Variants in KIF13A observed in about 807,000 individuals in gnomAD.
KIF13A encodes kinesin family member 13A.
Under a neutral mutation model 212.2 loss-of-function variants are expected in KIF13A, and 79 were observed. The ratio of observed to expected loss-of-function variants is 0.37; its 90% CI spans 0.31 to 0.45. The LOEUF is 0.45. KIF13A is among the 20% of genes least tolerant of loss of function. The pLI is 1.00. For synonymous variants in KIF13A, 789 were observed against 808.6 expected (o/e 0.98, Z 0.41); for missense variants, 1,901 against 2,209.0 (o/e 0.86, Z 2.79).
intron 4 of KIF13A, among the ~76,000 whole-genome samples, chr6:17,866,530 C>A (rs747197048): frequency 6.6e-6 from 1 of 152,186 alleles, no homozygotes; most frequent in African/African-American, 2.4e-5. Flanking sequence ...CTTCGCTAAA[C>A]CTCAGTTTTC....
intron 9 of KIF13A, among the ~76,000 whole-genome samples, chr6:17,844,056 A>AAAAG (rs1254290003): frequency 3.2e-4 from 48 of 151,596 alleles, no homozygotes; most frequent in Non-Finnish European, 4.7e-4. Context: ...AAAAAAAAAA[A>AAAAG]AAAGAAAGAA....
At chr6:17,917,645 A>C (rs1432123560) in intron 2 of KIF13A, among the ~76,000 whole-genome samples, 1 of 152,176 alleles carries the variant, frequency 6.6e-6, no homozygotes, top group African/African-American at 2.4e-5. Context: ...CACAAGACTA[A>C]GTAAAAGGCA....
At chr6:17,877,255 T>G (rs1288715428) in intron 3 of KIF13A, among the ~76,000 whole-genome samples, 3 of 152,112 alleles carry the variant, frequency 2.0e-5, no homozygotes, top group Non-Finnish European at 4.4e-5. Context: ...GTACTCAACT[T>G]ACATCATCAA....
intron 2 of KIF13A, among the ~76,000 whole-genome samples, chr6:17,946,662 T>C (rs1777427047): frequency 6.6e-6 from 1 of 152,232 alleles, no homozygotes; most frequent in Non-Finnish European, 1.5e-5. Context: ...CTTATACTAC[T>C]AGTGATATTA....
In KIF13A at chr6:17,825,391, T is replaced by A. The variant is rs1233038747; in HGVS notation, c.1786+377A>T. ...TCTTTCCATAGATTATATTTGAAAT[T>A]CCTGAATTTATATTCTGTTGGGGAT... is the stretch of plus-strand genomic sequence containing the variant. On this transcript the variant is annotated intron_variant, in intron 16 of 38. Coordinates refer to ENST00000259711, the MANE Select transcript of KIF13A (RefSeq NM_022113.6). The surrounding 1 kb of genome is among the most constrained non-coding windows in gnomAD (Gnocchi z 4.5). Among the ~76,000 whole-genome samples, 1 of 152,240 alleles carries A rather than the reference T, an allele frequency of 6.6e-6. No homozygotes were observed. Among genetic ancestry groups the A allele is most frequent in the Non-Finnish European group, 1.5e-5 (1 of 68,044 alleles).
intron 3 of KIF13A, among the ~76,000 whole-genome samples, chr6:17,889,020 C>T (rs1771798282): frequency 6.6e-6 from 1 of 152,106 alleles, no homozygotes; most frequent in African/African-American, 2.4e-5. Flanking sequence ...GGCTAAATGG[C>T]TACTGTACTG....
rs533373378 is a variant in KIF13A at position 17,777,751 on chromosome 6, C to T, written c.4093-397G>A. On this transcript the variant is annotated intron_variant, in intron 33 of 38. Coordinates refer to ENST00000259711, the MANE Select transcript of KIF13A (RefSeq NM_022113.6). The surrounding 1 kb of genome is among the most constrained non-coding windows in gnomAD (Gnocchi z 4.4). ...TATTTATAGATTTAAATATAGACTG[C>T]ATCAGTTCTACATACATACACATTT... 1.3e-5 allele frequency among the ~76,000 whole-genome samples: 2 copies of T among 152,280 alleles called. No homozygotes were observed. The highest frequency in any genetic ancestry group is 4.1e-4 in the South Asian group (2 of 4,820).
In KIF13A at chr6:17,987,015, G is replaced by C. The variant is rs769057956; in HGVS notation, c.146+39C>G. ...GCTCAAACTTGCGGGACCCCGCGAGGCTGGATCCTCCCAGCCGCCCTCTCG... is the reference window on the plus strand; with the variant it reads ...GCTCAAACTTGCGGGACCCCGCGAGCCTGGATCCTCCCAGCCGCCCTCTCG... On this transcript the variant is annotated intron_variant, in intron 2 of 38. Coordinates refer to ENST00000259711, the MANE Select transcript of KIF13A (RefSeq NM_022113.6). The surrounding 1 kb of genome is among the most constrained non-coding windows in gnomAD (Gnocchi z 7.7). 2 of 1,503,310 alleles carry C rather than the reference G, an allele frequency of 1.3e-6. No homozygotes were observed. Among genetic ancestry groups the C allele is most frequent in the African/African-American group, 1.4e-5 (1 of 72,544 alleles). The allele number at this position is 1,503,310 out of a possible 1,614,324, so 93.1% of individuals were successfully genotyped here.
chr6:17,857,750 A>T (rs1268842935), intron 4 of KIF13A, among the ~76,000 whole-genome samples: 1 of 152,192 alleles, frequency 6.6e-6, no homozygotes, highest in Non-Finnish European at 1.5e-5. Context: ...ACTTGACAGC[A>T]TCTATAAAAG....
intron 19 of KIF13A, 145 bp from the exon 20 acceptor site, chr6:17,804,655 A>G (rs1762774548): frequency 1.1e-6 from 1 of 916,684 alleles, no homozygotes; most frequent in Admixed American, 3.2e-5. Flanking sequence ...CACATAAATA[A>G]AAACTAAATT....
rs1479290146 is a variant in KIF13A at position 17,773,647 on chromosome 6, G to A, written c.4219-64C>T. The A allele has an allele frequency of 5.6e-6, 5 of 898,508 alleles. No homozygotes were observed. The highest frequency in any genetic ancestry group is 1.8e-5 in the South Asian group (1 of 54,976). The allele number at this position is 898,508 out of a possible 1,614,324, so 55.7% of individuals were successfully genotyped here. On this transcript the variant is annotated intron_variant, in intron 35 of 38. Coordinates refer to ENST00000259711, the MANE Select transcript of KIF13A (RefSeq NM_022113.6). This position sits in a 1 kb window ranked among gnomAD's most constrained non-coding sequence, Gnocchi z 4.2. The stretch of plus-strand genomic sequence containing the variant: ...CTCCAAAATAAGAAATAAAGCCCAG[G>A]TTGGAGTTTCTTCTGTTTTTTTTTA...
At chr6:17,800,210 G>A in intron 20 of KIF13A, 97 bp from the exon 21 acceptor site, 3 of 1,172,812 alleles carry the variant, frequency 2.6e-6, no homozygotes, top group Non-Finnish European at 3.5e-6. Flanking sequence ...CCTGGAGAGG[G>A]GCTCTGCAGC....
chr6:17,930,114 G>A (rs555441483), intron 2 of KIF13A, among the ~76,000 whole-genome samples: 1 of 152,272 alleles, frequency 6.6e-6, no homozygotes, highest in East Asian at 1.9e-4. Context: ...AAGGATAAAA[G>A]GACTTAACAG....
At position 17,825,864 on chromosome 6, in the gene KIF13A, G is replaced by A; in HGVS notation, c.1690C>T (p.His564Tyr). The A allele has an allele frequency of 6.2e-7, 1 of 1,613,956 alleles. No homozygotes were observed. The highest frequency in any genetic ancestry group is 8.5e-7 in the Non-Finnish European group (1 of 1,179,838). Residue 564 changes from histidine to tyrosine, a missense_variant, in exon 16 of 39, where the codon CAT becomes TAT. This residue lies in a region of KIF13A where 534 missense variants were observed against 536.9 expected (regional missense o/e 0.99). Coordinates refer to ENST00000259711, the MANE Select transcript of KIF13A (RefSeq NM_022113.6). This position sits in a 1 kb window ranked among gnomAD's most constrained non-coding sequence, Gnocchi z 4.5. ...GCCTCACTGGCTGCATCCAGGTCAT[G>A]CTCTGGCGGGCCCGTTTCTTTTTCA... ...DFEKETGPPE[H>Y]DLDAASEASS... is the part of the protein sequence containing the mutation.
chr6:17,983,790 G>A (rs371846159), intron 2 of KIF13A, among the ~76,000 whole-genome samples: 1 of 151,978 alleles, frequency 6.6e-6, no homozygotes, highest in Non-Finnish European at 1.5e-5. Context: ...ACCCAGCCCA[G>A]AACTACCTTG....
intron 2 of KIF13A, among the ~76,000 whole-genome samples, chr6:17,985,632 C>CCGG (rs112580662): frequency 6.3e-4 from 24 of 38,186 alleles, no homozygotes; most frequent in Middle Eastern, 0.015. Flanking sequence ...ATGCAGTTTG[C>CCGG]GGGGGGGTGG....
chr6:17,905,145 T>A (rs1246017191), intron 2 of KIF13A, among the ~76,000 whole-genome samples: 2 of 152,246 alleles, frequency 1.3e-5, no homozygotes, highest in East Asian at 1.9e-4. Context: ...AAAATTTTTT[T>A]AAGCTTATTA....
At chr6:17,939,578 T>C (rs61584527) in intron 2 of KIF13A, among the ~76,000 whole-genome samples, 1,676 of 152,258 alleles carry the variant, frequency 0.011, 24 homozygotes, top group African/African-American at 0.038. Flanking sequence ...TTAGGCATTC[T>C]AAGTCACAGG....
intron 4 of KIF13A, among the ~76,000 whole-genome samples, chr6:17,870,182 A>C (rs1282315650): frequency 6.6e-6 from 1 of 152,222 alleles, no homozygotes; most frequent in African/African-American, 2.4e-5. Flanking sequence ...TGATAATGGG[A>C]ATATCTGAAG....
Sources: gnomAD v4.1 joint callset for allele counts (sites outside exome capture counted in the v4.1 genomes callset) on GRCh38, gnomAD v4.1.1 for gene constraint, gnomAD v4.1.1 regional missense constraint, Gnocchi (gnomAD v3.1) non-coding constraint, MANE v1.5 for transcripts, NCBI Gene and HGNC (gene_info 2026-07-23, HGNC 2026-07-21) for gene names.